Variants in BAIAP3 observed in about 807,000 individuals in gnomAD.
The protein encoded by BAIAP3 is BAI1 associated protein 3.
BAIAP3 carries 180 observed loss-of-function variants against 149.7 expected under a neutral mutation model. The ratio of observed to expected loss-of-function variants is 1.20; its 90% CI spans 1.07 to 1.36. The LOEUF is 1.36. BAIAP3 is among the 40% of genes most tolerant of loss of function. The probability of loss-of-function intolerance (pLI) is 0.00; values close to 1 mark genes in which losing one functional copy is unlikely to be tolerated. For missense variants in BAIAP3, 1,767 were observed against 1,563.4 expected (o/e 1.13, Z -2.20); for synonymous variants, 845 against 670.7 (o/e 1.26, Z -4.02).
Position 1,338,695 on chromosome 16 carries a change from G to C in BAIAP3, c.131+15G>C. On this transcript the variant is annotated intron_variant, in intron 2 of 33. Coordinates refer to ENST00000426824, the MANE Select transcript of BAIAP3 (RefSeq NM_001199097.2). Reference sequence around the variant, plus strand: ...ACGGGGGCCTGGTGGGTGCCGAGGGGCCCAGCCCCACACGCCCACAGGGCC... The same window carrying C: ...ACGGGGGCCTGGTGGGTGCCGAGGGCCCCAGCCCCACACGCCCACAGGGCC... 1 of 1,569,246 alleles carries C rather than the reference G, an allele frequency of 6.4e-7. No individual in the cohort carries two copies. Among genetic ancestry groups the C allele is most frequent in the East Asian group, 2.3e-5 (1 of 42,758 alleles).
chr16:1,343,055 C>G, intron 14 of BAIAP3, 39 bp downstream of exon 14: 1 of 1,251,114 alleles, frequency 8.0e-7, no homozygotes, highest in Non-Finnish European at 1.0e-6. Flanking sequence ...GGAATGTGGG[C>G]GGGCGTGAGC....
Position 1,345,757 on chromosome 16 carries a change from T to G in BAIAP3, c.2075T>G (p.Val692Gly), listed in dbSNP as rs1012208598. Residue 692 changes from valine to glycine, a missense_variant, in exon 23 of 34, where the codon GTG (valine) becomes GGG (glycine). Transcript: ENST00000426824. Reference sequence around the variant, plus strand: ...CCCCTGCCTCCCTAGCTGGAGCCCGTGGACGCCTCCTCCAGGCACAGCAGC... The same window carrying G: ...CCCCTGCCTCCCTAGCTGGAGCCCGGGGACGCCTCCTCCAGGCACAGCAGC... ...GAVDMDTLEPVDASSRHSSSA... is the reference protein window; with the variant it reads ...GAVDMDTLEPGDASSRHSSSA... 3 of 1,501,852 alleles carry G rather than the reference T, an allele frequency of 2.0e-6. No homozygotes were observed. The highest frequency in any genetic ancestry group is 2.0e-5 in the Admixed American group (1 of 49,872). 93.0% of individuals were successfully genotyped at this position (1,501,852 alleles called of 1,614,324 possible).
At chr16:1,341,578 GC>G (rs2033931295) in intron 8 of BAIAP3, 89 bp downstream of exon 8, 2 of 1,472,252 alleles carry the variant, frequency 1.4e-6, no homozygotes, top group Non-Finnish European at 1.8e-6. Context: ...GCTCGCAGCA[GC>G]TCCCGGTCTC....
Position 1,344,476 on chromosome 16 carries a change from A to C in BAIAP3, c.1610A>C (p.Asn537Thr). ...MDIAAALKRGNREWYDRILND... is the reference protein window; with the variant it reads ...MDIAAALKRGTREWYDRILND... ...TGGTGGTGTCTGTTGCAGAGAGGCAACCGTGAGTGGTACGACAGGATCCTG... is the reference window on the plus strand; with the variant it reads ...TGGTGGTGTCTGTTGCAGAGAGGCACCCGTGAGTGGTACGACAGGATCCTG... Residue 537 changes from asparagine to threonine, a missense_variant, in exon 18 of 34, where the codon AAC (asparagine) becomes ACC (threonine). By Grantham distance (65) the Asn-to-Thr change is moderately conservative (BLOSUM62 0). Coordinates refer to ENST00000426824, the MANE Select transcript of BAIAP3 (RefSeq NM_001199097.2). 6.2e-7 allele frequency: 1 copy of C among 1,613,268 alleles called. No individual in the cohort carries two copies. The highest frequency in any genetic ancestry group is 8.5e-7 in the Non-Finnish European group (1 of 1,179,938).
At chr16:1,335,283 T>C (rs1596555842) in intron 1 of BAIAP3, among the ~76,000 whole-genome samples, 1 of 152,328 alleles carries the variant, frequency 6.6e-6, no homozygotes, top group African/African-American at 2.4e-5. Flanking sequence ...TCAGCCCCAG[T>C]GCCACAAGGC....
chr16:1,342,464 C>T, intron 11 of BAIAP3, 63 bp from the exon 12 acceptor site: 3 of 1,475,136 alleles, frequency 2.0e-6, no homozygotes, highest in Non-Finnish European at 2.8e-6. Flanking sequence ...CAGGGTCTCA[C>T]AGAGTCAGTG....
At position 1,346,841 on chromosome 16, in the gene BAIAP3, C is replaced by T; in HGVS notation, c.2643-6C>T. The T allele has an allele frequency of 1.3e-6, 2 of 1,590,130 alleles. No homozygotes were observed. ...CTGGCCCGTGGTCACTGATGCTGCCCTGCAGGGTGCTGGAGGCCCTGTGGG... is the reference window on the plus strand; with the variant it reads ...CTGGCCCGTGGTCACTGATGCTGCCTTGCAGGGTGCTGGAGGCCCTGTGGG... On this transcript the variant is annotated splice_polypyrimidine_tract_variant and splice_region_variant and intron_variant, in intron 27 of 33. Coordinates refer to ENST00000426824, the MANE Select transcript of BAIAP3 (RefSeq NM_001199097.2).
Position 1,348,518 on chromosome 16 carries a change from C to T in BAIAP3, c.*36C>T, listed in dbSNP as rs751138664. The stretch of plus-strand genomic sequence containing the variant: ...TGCCAGCCCCGGCCCTGGCCCCCAC[C>T]CCAAGTTCCCTGAAGCATCCTCCAG... On this transcript the variant is annotated 3_prime_UTR_variant, in exon 34 of 34. Transcript: ENST00000426824. 1 of 1,564,046 alleles carries T rather than the reference C, an allele frequency of 6.4e-7. No individual in the cohort carries two copies. The highest frequency in any genetic ancestry group is 1.9e-5 in the Admixed American group (1 of 53,928).
rs1040171406 is a variant in BAIAP3 at position 1,344,536 on chromosome 16, G to A, written c.1659+11G>A. ...AGTCCCCGAGAGCAGGTGCAGTTGTGGGGGACCCTGGCCATGAGGGGTACG... is the reference window on the plus strand; with the variant it reads ...AGTCCCCGAGAGCAGGTGCAGTTGTAGGGGACCCTGGCCATGAGGGGTACG... On this transcript the variant is annotated intron_variant, in intron 18 of 33. Coordinates refer to ENST00000426824, the MANE Select transcript of BAIAP3 (RefSeq NM_001199097.2). 3 of 1,612,252 alleles carry A rather than the reference G, an allele frequency of 1.9e-6. No homozygotes were observed. Among genetic ancestry groups the A allele is most frequent in the African/African-American group, 2.7e-5 (2 of 74,918 alleles).
rs1255680908 is a variant in BAIAP3 at position 1,348,816 on chromosome 16, G to A, written c.*334G>A. On this transcript the variant is annotated 3_prime_UTR_variant, in exon 34 of 34. Coordinates refer to ENST00000426824, the MANE Select transcript of BAIAP3 (RefSeq NM_001199097.2). ...GGCTCCCCGGCCCTGGGTGGGCGGTGGGCAGCTGGTCTCCAGGGACTCAGT... is the reference window on the plus strand; with the variant it reads ...GGCTCCCCGGCCCTGGGTGGGCGGTAGGCAGCTGGTCTCCAGGGACTCAGT... 1.3e-5 allele frequency: 6 copies of A among 473,544 alleles called. No homozygotes were observed. Among genetic ancestry groups the A allele is most frequent in the Non-Finnish European group, 1.9e-5 (5 of 260,034 alleles). 29.3% of individuals were successfully genotyped at this position (473,544 alleles called of 1,614,324 possible).
At position 1,348,661 on chromosome 16, in the gene BAIAP3, C is replaced by T; in HGVS notation, c.*179C>T. The stretch of plus-strand genomic sequence containing the variant: ...CCTGGCCGTGTCTGTCTGGTGTGTG[C>T]TGTGAACCCCTGCACCCAACCCCAC... On this transcript the variant is annotated 3_prime_UTR_variant, in exon 34 of 34. Transcript: ENST00000426824. The T allele has an allele frequency of 3.1e-6, 2 of 648,634 alleles. No homozygotes were observed. The highest frequency in any genetic ancestry group is 2.7e-5 in the East Asian group (1 of 36,596). 40.2% of individuals were successfully genotyped at this position (648,634 alleles called of 1,614,324 possible). A position where few individuals can be genotyped will look rare whatever the true frequency, so the allele number is the denominator to read the frequency against.
intron 2 of BAIAP3, 68 bp downstream of exon 2, chr16:1,338,748 G>A (rs564021712): frequency 1.8e-5 from 28 of 1,562,086 alleles, no homozygotes; most frequent in East Asian, 7.0e-5. Flanking sequence ...ACACATGGCC[G>A]CCCCTGCCCC....
At chr16:1,334,045 G>C (rs1276451071) in intron 1 of BAIAP3, among the ~76,000 whole-genome samples, 1 of 151,940 alleles carries the variant, frequency 6.6e-6, no homozygotes, top group East Asian at 2.0e-4. Context: ...GGGTATCCGG[G>C]CGCTGGCGAC....
chr16:1,338,708 C>T (rs1189652219), intron 2 of BAIAP3, 28 bp downstream of exon 2: 6 of 1,564,144 alleles, frequency 3.8e-6, no homozygotes, highest in African/African-American at 1.4e-5. Context: ...CAGCCCCACA[C>T]GCCCACAGGG....
intron 1 of BAIAP3, 102 bp downstream of exon 1, chr16:1,333,851 G>C (rs1179514091): frequency 2.0e-5 from 3 of 152,020 alleles, no homozygotes; most frequent in Admixed American, 6.5e-5. Context: ...CTTGGTCCGG[G>C]TCCCCCAGGA....
chr16:1,345,214 G>A, intron 21 of BAIAP3, 35 bp from the exon 22 acceptor site: 2 of 1,610,924 alleles, frequency 1.2e-6, no homozygotes, highest in South Asian at 1.1e-5. Flanking sequence ...AGGTGTCTGA[G>A]TCAGGGCCGA....
chr16:1,341,597 C>A, intron 8 of BAIAP3, 108 bp downstream of exon 8: 1 of 1,392,784 alleles, frequency 7.2e-7, no homozygotes, highest in Non-Finnish European at 9.7e-7. Flanking sequence ...CTCTTTGGGG[C>A]CGTGTGCCCA....
Position 1,347,809 on chromosome 16 carries a change from C to T in BAIAP3, c.3013C>T (p.Leu1005=), listed in dbSNP as rs574931188. 3 of 1,605,472 alleles carry T rather than the reference C, an allele frequency of 1.9e-6. No individual in the cohort carries two copies. The highest frequency in any genetic ancestry group is 3.3e-5 in the Admixed American group (2 of 59,792). Residue 1005 remains leucine, a synonymous_variant, in exon 31 of 34, where the codon CTG becomes TTG. Transcript: ENST00000426824. ...GCTGCACGCCGCGGACCTGCTCCCC[C>T]TGGACGCCAACGGTGAGTTGCAGCG... ...EVLHAADLLP[L]DANGLSDPFV...
At chr16:1,340,179 G>C (rs1176506603) in intron 5 of BAIAP3, among the ~76,000 whole-genome samples, 1 of 97,960 alleles carries the variant, frequency 1.0e-5, no homozygotes, top group Non-Finnish European at 1.9e-5. Context: ...CAGGCTGCAG[G>C]TGCACACAGA....
Sources: allele counts gnomAD v4.1 joint callset (sites outside exome capture counted in the v4.1 genomes callset), GRCh38; gene constraint gnomAD v4.1.1; transcripts MANE v1.5; gene names NCBI Gene and HGNC (gene_info 2026-07-23, HGNC 2026-07-21).